Variants in PDE1C observed in about 807,000 individuals in gnomAD.
PDE1C encodes the protein phosphodiesterase 1C, also known as dual specificity calcium/calmodulin-dependent 3',5'-cyclic nucleotide phosphodiesterase 1C.
In PDE1C, 62 loss-of-function variants were observed where a neutral mutation model predicts 93.1. That is an observed-to-expected ratio of 0.67 (90% CI 0.54 to 0.82). PDE1C has a LOEUF of 0.82. Ranked by LOEUF, PDE1C falls within the 40% of genes least tolerant of loss-of-function variation. The pLI, the probability that PDE1C is intolerant of heterozygous loss-of-function variation, is 0.00. For missense variants in PDE1C, 742 were observed against 884.6 expected (o/e 0.84, Z 2.04); for synonymous variants, 325 against 310.1 (o/e 1.05, Z -0.50).
intron 2 of PDE1C, among the ~76,000 whole-genome samples, chr7:32,013,594 G>A (rs13438481): frequency 0.38 from 57,178 of 152,044 alleles, 12,237 homozygotes; most frequent in Non-Finnish European, 0.5. Context: ...AAGGAAGGAC[G>A]AAGTAACTTG....
chr7:31,638,443 T>C, the PDE1C span, among the ~76,000 whole-genome samples: 1 of 152,252 alleles, frequency 6.6e-6, no homozygotes, highest in East Asian at 1.9e-4. Context: ...CTATCCGGTT[T>C]TATAATAACA....
At chr7:31,634,995 T>C in the PDE1C span, among the ~76,000 whole-genome samples, 1 of 152,196 alleles carries the variant, frequency 6.6e-6, no homozygotes, top group Admixed American at 6.5e-5. Flanking sequence ...GGCGTGCTGG[T>C]ACCACTGCCA....
chr7:31,669,282 C>T, the PDE1C span, among the ~76,000 whole-genome samples: 499 of 152,078 alleles, frequency 3.3e-3, 2 homozygotes, highest in African/African-American at 0.011. Context: ...AGCAAGGTCA[C>T]CTTATATTTA....
chr7:31,935,546 C>A (rs1208785014), intron 2 of PDE1C, among the ~76,000 whole-genome samples: 1 of 152,152 alleles, frequency 6.6e-6, no homozygotes, highest in Non-Finnish European at 1.5e-5. Flanking sequence ...TTCAATGATA[C>A]AAGCGCACAT....
At chr7:31,989,321 G>A (rs1024124704) in intron 2 of PDE1C, among the ~76,000 whole-genome samples, 2 of 152,060 alleles carry the variant, frequency 1.3e-5, no homozygotes, top group African/African-American at 4.8e-5. Flanking sequence ...CCAGTAAGTA[G>A]TTCAGTCCCA....
the PDE1C span, among the ~76,000 whole-genome samples, chr7:31,730,271 C>T: frequency 6.6e-6 from 1 of 152,168 alleles, no homozygotes; most frequent in Non-Finnish European, 1.5e-5. Flanking sequence ...ACCCAGATGT[C>T]AGCCTTTCAG....
At position 32,206,361 on chromosome 7, in the gene PDE1C, G is replaced by A. The variant is rs545650692; in HGVS notation, c.136+3128C>T. Among the ~76,000 whole-genome samples the A allele has an allele frequency of 5.3e-5, 8 of 152,242 alleles. No individual in the cohort carries two copies. In the South Asian group the frequency reaches 1.5e-3, roughly 28 times the overall value. ...GGTCAGGTGCAGTCAACCAGACACG[G>A]CCCATGGGCTCAAGGAGCTGACTGT... On this transcript the variant is annotated intron_variant, in intron 2 of 18. Coordinates refer to the PDE1C transcript ENST00000396193.
the PDE1C span, among the ~76,000 whole-genome samples, chr7:31,706,628 G>A: frequency 5.3e-5 from 8 of 152,236 alleles, 1 homozygote; most frequent in South Asian, 1.7e-3. Context: ...TATTTCCCTG[G>A]ATGTAGTAAA....
chr7:31,683,888 GCTAGTTA>G, the PDE1C span, among the ~76,000 whole-genome samples: 1 of 152,182 alleles, frequency 6.6e-6, no homozygotes, highest in Non-Finnish European at 1.5e-5. Context: ...TTCATTTAAA[GCTAGTTA>G]CCATCAGGCA....
At chr7:31,643,833 C>T in the PDE1C span, 1 of 1,613,912 alleles carries the variant, frequency 6.2e-7, no homozygotes, top group Admixed American at 1.7e-5. Context: ...AGAGGCAAAG[C>T]CCTGGCCCTG....
intron 3 of PDE1C, among the ~76,000 whole-genome samples, chr7:32,080,396 T>G (rs1030817711): frequency 1.3e-5 from 2 of 152,106 alleles, no homozygotes; most frequent in Non-Finnish European, 2.9e-5. Flanking sequence ...TGGCACAAAG[T>G]TAGTGATTCC....
chr7:32,009,976 G>A (rs1358227047), intron 2 of PDE1C, among the ~76,000 whole-genome samples: 1 of 152,166 alleles, frequency 6.6e-6, no homozygotes, highest in African/African-American at 2.4e-5. Flanking sequence ...ACAAGAGATT[G>A]TCAAGACCTG....
At chr7:32,097,642 T>A (rs906159882) in intron 3 of PDE1C, among the ~76,000 whole-genome samples, 1 of 152,188 alleles carries the variant, frequency 6.6e-6, no homozygotes, top group African/African-American at 2.4e-5. Context: ...TTTTGTTTTA[T>A]TTTCTTTTAA....
intron 3 of PDE1C, among the ~76,000 whole-genome samples, chr7:32,091,744 T>C (rs1388084444): frequency 6.6e-6 from 1 of 152,196 alleles, no homozygotes. Context: ...CATGGGCTTT[T>C]ACTCAGAGTG....
chr7:31,845,908 G>A (rs564841902), intron 9 of PDE1C, among the ~76,000 whole-genome samples: 16 of 152,134 alleles, frequency 1.1e-4, no homozygotes, highest in South Asian at 4.1e-4. Flanking sequence ...CAGGAGAATC[G>A]CTTGAATTTG....
chr7:31,828,898 G>A (rs1212144226), intron 11 of PDE1C, among the ~76,000 whole-genome samples: 1 of 152,130 alleles, frequency 6.6e-6, no homozygotes. Context: ...ATAATGAAAA[G>A]TGGACCAAAA....
At chr7:31,820,919 C>T (rs1204421206) in intron 14 of PDE1C, 1 of 150,902 alleles carries the variant, frequency 6.6e-6, no homozygotes, top group Non-Finnish European at 1.5e-5. Context: ...TACTTCTATT[C>T]ACCTCAATTC....
chr7:32,086,962 A>G (rs1166958879), intron 3 of PDE1C, among the ~76,000 whole-genome samples: 1 of 151,650 alleles, frequency 6.6e-6, no homozygotes, highest in South Asian at 2.1e-4. Flanking sequence ...TTCATGTCTA[A>G]AACACCAAAA....
Position 32,131,123 on chromosome 7 carries a change from G to A in PDE1C, c.308+38662C>T, listed in dbSNP as rs1799898129. Among the ~76,000 whole-genome samples the A allele has an allele frequency of 2.6e-5, 4 of 152,094 alleles. No individual in the cohort carries two copies. In the South Asian group the frequency reaches 8.3e-4, roughly 32 times the overall value. On this transcript the variant is annotated intron_variant, in intron 3 of 18. Coordinates refer to the PDE1C transcript ENST00000396193. The stretch of plus-strand genomic sequence containing the variant: ...TTTCTCTACAAGAACCTGTACACAT[G>A]CCTTTCTCTTAGTGTCTCAGGAGTT...
Sources: allele counts gnomAD v4.1 joint callset (sites outside exome capture counted in the v4.1 genomes callset), GRCh38; gene constraint gnomAD v4.1.1; transcripts MANE v1.5; gene names NCBI Gene and HGNC (gene_info 2026-07-23, HGNC 2026-07-21).